Variants in ZNF837 observed in about 807,000 individuals in gnomAD.
ZNF837 encodes the protein zinc finger protein 837.
For synonymous variants in ZNF837, 475 were observed against 365.2 expected (o/e 1.30, Z -3.43); for missense variants, 955 against 801.7 (o/e 1.19, Z -2.31).
rs900087902 is a variant in ZNF837, at chr19:58,368,487, G to T, written c.846C>A (p.Arg282=). The T allele has an allele frequency of 2.6e-6, 4 of 1,560,266 alleles. No homozygotes were observed. The highest frequency in any genetic ancestry group is 1.2e-5 in the South Asian group (1 of 85,138). Reference sequence around the variant, plus strand: ...GCTGGTGCTGCAGCAGGCTGGAGGTGCGCGTGAAGGCCTTGCCGCACTCGT... The same window carrying T: ...GCTGGTGCTGCAGCAGGCTGGAGGTTCGCGTGAAGGCCTTGCCGCACTCGT... ...ACDECGKAFT[R]TSSLLQHQRI... is the part of the protein sequence containing the mutation. The change falls in exon 3 of 3, where the codon CGC becomes CGA. Residue 282 remains arginine, a synonymous_variant. Transcript: ENST00000597582.
chr19:58,371,913 G>C (rs1462112844), intron 1 of ZNF837, among the ~76,000 whole-genome samples: 1 of 151,646 alleles, frequency 6.6e-6, no homozygotes, highest in Non-Finnish European at 1.5e-5. Context: ...AGTAGAGATG[G>C]GGTTTCACCA....
Position 58,367,831 on chromosome 19 carries a change from C to A in ZNF837, c.1502G>T (p.Arg501Leu), listed in dbSNP as rs1432672278. 9.1e-6 allele frequency: 14 copies of A among 1,534,158 alleles called. No individual in the cohort carries two copies. In the South Asian group the frequency reaches 1.6e-4, roughly 17 times the overall value. The change falls in exon 3 of 3, where the codon CGG (arginine) becomes CTG (leucine). Residue 501 changes from arginine (R) to leucine (L), a missense_variant. Coordinates refer to ENST00000597582, the MANE Select transcript of ZNF837 (RefSeq NM_138466.2). ...VRHLRTHTGE[R>L]PYACGDCGRA... Reference sequence around the variant, plus strand: ...GCCGCAATCTCCGCACGCGTAGGGCCGCTCGCCCGTGTGCGTGCGCAGGTG... The same window carrying A: ...GCCGCAATCTCCGCACGCGTAGGGCAGCTCGCCCGTGTGCGTGCGCAGGTG...
intron 1 of ZNF837, among the ~76,000 whole-genome samples, chr19:58,380,503 C>T (rs928728463): frequency 2.0e-5 from 3 of 152,222 alleles, no homozygotes; most frequent in East Asian, 1.9e-4. Context: ...GCGGATTCTT[C>T]GGGCCTCTGT....
chr19:58,368,954 TC>T lies in ZNF837; in HGVS notation c.378del (p.Asn127ThrfsTer280), dbSNP rs765384880. 3.9e-6 allele frequency: 6 copies of T among 1,541,696 alleles called. No individual in the cohort carries two copies. The South Asian group carries it at 7.2e-5, about 18-fold the overall frequency. On this transcript the variant is annotated frameshift_variant, in exon 3 of 3. Coordinates refer to ENST00000597582, the MANE Select transcript of ZNF837 (RefSeq NM_138466.2). LOFTEE classifies it low-confidence loss of function (END_TRUNC). The stretch of plus-strand genomic sequence containing the variant: ...CCGCGATGCCACGCCAGGCAGGAGT[TC>T]CTGCTGCAGTCCCCGCCACGCGCTG... ...RSPARGGDCS[R>X]NSCLAWHRGA...
Position 58,367,921 on chromosome 19 carries a change from C to T in ZNF837, c.1412G>A (p.Gly471Asp). Reference sequence around the variant, plus strand: ...GTCGCGGCAGATGTAGGGCTTCTCGCCCGAGTGCAGGCGCTCGTGCTGGCG... The same window carrying T: ...GTCGCGGCAGATGTAGGGCTTCTCGTCCGAGTGCAGGCGCTCGTGCTGGCG... ...ELRQHERLHS[G>D]EKPYICRDCG... The change falls in exon 3 of 3, where the codon GGC becomes GAC. Residue 471 changes from glycine to aspartate, a missense_variant. Coordinates refer to ENST00000597582, the MANE Select transcript of ZNF837 (RefSeq NM_138466.2). 1 of 1,534,526 alleles carries T rather than the reference C, an allele frequency of 6.5e-7. No homozygotes were observed. Among genetic ancestry groups the T allele is most frequent in the African/African-American group, 1.4e-5 (1 of 72,906 alleles).
chr19:58,368,112 G>T lies in ZNF837; in HGVS notation c.1221C>A (p.Ser407Arg). 1 of 1,570,916 alleles carries T rather than the reference G, an allele frequency of 6.4e-7. No homozygotes were observed. Among genetic ancestry groups the T allele is most frequent in the Non-Finnish European group, 8.6e-7 (1 of 1,161,006 alleles). ...GKAFNQRSNLSRHQRTHSSAK... is the reference protein window; with the variant it reads ...GKAFNQRSNLRRHQRTHSSAK... Reference sequence around the variant, plus strand: ...CGCTGCTGTGAGTGCGCTGGTGCCGGCTCAGGTTCGAGCGCTGGTTGAAGG... The same window carrying T: ...CGCTGCTGTGAGTGCGCTGGTGCCGTCTCAGGTTCGAGCGCTGGTTGAAGG... Residue 407 changes from serine to arginine, a missense_variant, in exon 3 of 3, where the codon AGC becomes AGA. Ser to Arg is a moderately radical substitution (Grantham distance 110). Coordinates refer to ENST00000597582, the MANE Select transcript of ZNF837 (RefSeq NM_138466.2).
At chr19:58,372,823 A>C (rs2052213336) in intron 1 of ZNF837, among the ~76,000 whole-genome samples, 1 of 152,196 alleles carries the variant, frequency 6.6e-6, no homozygotes, top group African/African-American at 2.4e-5. Flanking sequence ...TAAAGACAAA[A>C]ATGCAGAGTT....
In ZNF837 at chr19:58,367,740, A is replaced by AGGCGC. The variant is rs2052147006; in HGVS notation, c.1588_1592dup (p.Ter532ArgfsTer?). On this transcript the variant is annotated frameshift_variant, in exon 3 of 3. Coordinates refer to ENST00000597582, the MANE Select transcript of ZNF837 (RefSeq NM_138466.2). LOFTEE classifies it high-confidence loss of function. Reference sequence around the variant, plus strand: ...GTCGACTCTCGGCTCCCTGCAGTCAAGGCGCGGCGCGGCCCCCGTGCCGCT... The same window carrying AGGCGC: ...GTCGACTCTCGGCTCCCTGCAGTCAAGGCGCGGCGCGGCGCGGCCCCCGTGCCGCT... The AGGCGC allele has an allele frequency of 9.2e-6, 14 of 1,515,650 alleles. No homozygotes were observed. The highest frequency in any genetic ancestry group is 8.6e-5 in the South Asian group (7 of 81,050). The allele number at this position is 1,515,650 out of a possible 1,614,324, so 93.9% of individuals were successfully genotyped here. A position where few individuals can be genotyped will look rare whatever the true frequency, so the allele number is the denominator to read the frequency against.
intron 1 of ZNF837, among the ~76,000 whole-genome samples, chr19:58,374,651 A>C (rs2052226775): frequency 6.6e-6 from 1 of 152,206 alleles, no homozygotes; most frequent in South Asian, 2.1e-4. Context: ...AAATATACTA[A>C]AACCTGGCCA....
Position 58,369,054 on chromosome 19 carries a change from GC to G in ZNF837, c.278del (p.Gly93AlafsTer314). 1.3e-6 allele frequency: 2 copies of G among 1,518,236 alleles called. No individual in the cohort carries two copies. Among genetic ancestry groups the G allele is most frequent in the Non-Finnish European group, 1.8e-6 (2 of 1,132,122 alleles). 94.0% of individuals were successfully genotyped at this position (1,518,236 alleles called of 1,614,324 possible). On this transcript the variant is annotated frameshift_variant, in exon 3 of 3. Transcript: ENST00000597582. LOFTEE classifies it low-confidence loss of function (END_TRUNC). ...GTRPLVREPCGPTSSQNPELV... is the reference protein window; with the variant it reads ...GTRPLVREPCXPTSSQNPELV... ...GCTCAGGGTTCTGAGAAGAGGTGGG[GC>G]CGCACGGCTCCCGCACGAGGGGTCT...
rs1568564830 is a variant in ZNF837, at chr19:58,368,320, C to T, written c.1013G>A (p.Arg338Gln). 20 of 1,492,068 alleles carry T rather than the reference C, an allele frequency of 1.3e-5. No homozygotes were observed. Among genetic ancestry groups the T allele is most frequent in the Non-Finnish European group, 1.8e-5 (20 of 1,130,258 alleles). 92.4% of individuals were successfully genotyped at this position (1,492,068 alleles called of 1,614,324 possible). ...GTCCCCGCAGGGCGGGCACCCCAGC[C>T]GGAAGGCGCGCCGCGCCAGGACGGG... ...RGPVLARRAF[R>Q]LGCPPCGDYS... The change falls in exon 3 of 3, where the codon CGG (arginine) becomes CAG (glutamine). Residue 338 changes from arginine to glutamine, a missense_variant. Coordinates refer to ENST00000597582, the MANE Select transcript of ZNF837 (RefSeq NM_138466.2).
At chr19:58,375,869 C>G (rs549913602) in intron 1 of ZNF837, among the ~76,000 whole-genome samples, 5 of 151,700 alleles carry the variant, frequency 3.3e-5, no homozygotes, top group African/African-American at 1.2e-4. Flanking sequence ...CCTGGTCACA[C>G]GAAAGCACTG....
chr19:58,378,566 G>T (rs1411992799), intron 1 of ZNF837, among the ~76,000 whole-genome samples: 2 of 152,126 alleles, frequency 1.3e-5, no homozygotes, highest in Non-Finnish European at 2.9e-5. Context: ...AGGGACAATT[G>T]ATCACCATGG....
intron 1 of ZNF837, among the ~76,000 whole-genome samples, chr19:58,376,537 A>G (rs2052247332): frequency 7.8e-6 from 1 of 128,764 alleles, no homozygotes; most frequent in African/African-American, 3.0e-5. Flanking sequence ...CCTGGGTGAC[A>G]GAGCAAGACT....
At chr19:58,370,765 C>T (rs781330717) in intron 1 of ZNF837, among the ~76,000 whole-genome samples, 2 of 151,814 alleles carry the variant, frequency 1.3e-5, no homozygotes, top group Admixed American at 6.6e-5. Flanking sequence ...CATGGTGGTG[C>T]GTGCCTGTAA....
intron 1 of ZNF837, among the ~76,000 whole-genome samples, chr19:58,376,044 G>A (rs1248805183): frequency 6.6e-6 from 1 of 151,662 alleles, no homozygotes; most frequent in South Asian, 2.1e-4. Flanking sequence ...TCAGCCTGGC[G>A]AGTAGCTGGG....
In ZNF837 at chr19:58,367,815, T is replaced by C; in HGVS notation, c.1518A>G (p.Gly506=). ...GTTGGCTGAAGGCGCGGCCGCAATC[T>C]CCGCACGCGTAGGGCCGCTCGCCCG... is the stretch of plus-strand genomic sequence containing the variant. The part of the protein sequence containing the change: ...THTGERPYAC[G]DCGRAFSQRS... Residue 506 remains glycine (G), a synonymous_variant, in exon 3 of 3, where the codon GGA becomes GGG. Coordinates refer to ENST00000597582, the MANE Select transcript of ZNF837 (RefSeq NM_138466.2). 6.5e-7 allele frequency: 1 copy of C among 1,536,286 alleles called. No individual in the cohort carries two copies. The highest frequency in any genetic ancestry group is 8.7e-7 in the Non-Finnish European group (1 of 1,145,534).
intron 1 of ZNF837, among the ~76,000 whole-genome samples, chr19:58,371,165 C>T (rs1449615192): frequency 6.8e-6 from 1 of 147,236 alleles, no homozygotes; most frequent in Non-Finnish European, 1.5e-5. Flanking sequence ...GGTGTGAACC[C>T]GGGAGGCGGA....
At chr19:58,377,708 A>C (rs2052260667) in intron 1 of ZNF837, among the ~76,000 whole-genome samples, 1 of 152,224 alleles carries the variant, frequency 6.6e-6, no homozygotes. Context: ...TTCAGGGCAC[A>C]GGGCAATTCC....
Sources: allele counts gnomAD v4.1 joint callset (sites outside exome capture counted in the v4.1 genomes callset), GRCh38; gene constraint gnomAD v4.1.1; transcripts MANE v1.5; gene names NCBI Gene and HGNC (gene_info 2026-07-23, HGNC 2026-07-21).